HPSE2: variants seen among roughly 807,000 people sequenced by gnomAD.
HPSE2 encodes the protein heparanase 2 (inactive).
HPSE2 carries 38 observed loss-of-function variants against 60.5 expected under a neutral mutation model. The observed-to-expected ratio is 0.63, with a 90% confidence interval of 0.48 to 0.82. The LOEUF (loss-of-function observed/expected upper bound fraction) is 0.82, where lower values mean the gene tolerates loss of function less well. HPSE2 is among the 40% of genes least tolerant of loss of function. HPSE2 has a pLI of 0.00. For synonymous variants in HPSE2, 295 were observed against 293.2 expected, an observed-to-expected ratio of 1.01 and a Z score of -0.06; for missense variants, 713 against 740.4, an observed-to-expected ratio of 0.96 and a Z score of 0.43.
At chr10:98,623,624 T>C (rs957067733) in intron 7 of HPSE2, among the ~76,000 whole-genome samples, 1 of 152,208 alleles carries the variant, frequency 6.6e-6, no homozygotes, top group Non-Finnish European at 1.5e-5. Flanking sequence ...TTATGCTACA[T>C]GCTAGTTGTG....
intron 3 of HPSE2, among the ~76,000 whole-genome samples, chr10:99,110,228 G>A (rs1393731515): frequency 6.6e-6 from 1 of 152,122 alleles, no homozygotes; most frequent in Non-Finnish European, 1.5e-5. Context: ...AGGCTAGGTA[G>A]GCCCACTTGA....
intron 3 of HPSE2, among the ~76,000 whole-genome samples, chr10:99,075,537 G>A (rs188548261): frequency 1.3e-5 from 2 of 152,072 alleles, no homozygotes; most frequent in East Asian, 1.9e-4. Flanking sequence ...TGTGTGTTAC[G>A]TCCATTTGGT....
At position 98,612,128 on chromosome 10, in the gene HPSE2, G is replaced by T. The variant is rs72831942; in HGVS notation, c.1320+2776C>A. On this transcript the variant is annotated intron_variant, in intron 9 of 11. Coordinates refer to ENST00000370552, the MANE Select transcript of HPSE2 (RefSeq NM_021828.5). ...AATGAAGCCTGTCTAGTCACCCAAA[G>T]ACCATCTTTTTCCAGCCTGTTTTCT... Among the ~76,000 whole-genome samples the T allele has an allele frequency of 7.2e-3, 1,089 of 152,278 alleles. 8 individuals carry two copies. Among genetic ancestry groups the T allele is most frequent in the South Asian group, 0.027 (129 of 4,822 alleles).
At chr10:98,755,816 T>C (rs1356177439) in intron 3 of HPSE2, among the ~76,000 whole-genome samples, 5 of 151,904 alleles carry the variant, frequency 3.3e-5, no homozygotes. Context: ...GCCAACATGG[T>C]GAAACCCCAT....
chr10:98,687,922 T>C (rs961600692), intron 6 of HPSE2, among the ~76,000 whole-genome samples: 1 of 152,224 alleles, frequency 6.6e-6, no homozygotes, highest in South Asian at 2.1e-4. Flanking sequence ...TTAATTACAC[T>C]GTTTAGGACA....
At chr10:99,243,475 A>C in the HPSE2 span, among the ~76,000 whole-genome samples, 3 of 152,166 alleles carry the variant, frequency 2.0e-5, no homozygotes, top group Non-Finnish European at 4.4e-5. Flanking sequence ...AGAACTTTTA[A>C]TATCCTAGGG....
intron 6 of HPSE2, among the ~76,000 whole-genome samples, chr10:98,679,285 C>T (rs1213102238): frequency 3.3e-5 from 5 of 152,198 alleles, no homozygotes; most frequent in Non-Finnish European, 7.3e-5. Context: ...TTTTGGAGGT[C>T]TCTAAGACCC....
intron 3 of HPSE2, among the ~76,000 whole-genome samples, chr10:98,943,321 T>C (rs1955077186): frequency 6.6e-6 from 1 of 151,794 alleles, no homozygotes. Flanking sequence ...AGGGTAAAAA[T>C]GGGAGACTTG....
intron 6 of HPSE2, among the ~76,000 whole-genome samples, chr10:98,652,376 A>G (rs889299168): frequency 1.3e-5 from 2 of 152,124 alleles, no homozygotes; most frequent in African/African-American, 4.8e-5. Flanking sequence ...TGTGTATCCT[A>G]CTAAGCCTCA....
intron 2 of HPSE2, among the ~76,000 whole-genome samples, chr10:99,218,703 G>GCCA (rs2133924936): frequency 6.6e-6 from 1 of 152,294 alleles, no homozygotes; most frequent in South Asian, 2.1e-4. Flanking sequence ...GGACAGGGGT[G>GCCA]CCATTCATTT....
chr10:98,869,776 G>A (rs1254233351), intron 3 of HPSE2, among the ~76,000 whole-genome samples: 4 of 152,102 alleles, frequency 2.6e-5, no homozygotes, highest in Admixed American at 2.6e-4. Context: ...TAAATTGTGT[G>A]ATCATGGGCA....
chr10:98,971,766 C>T (rs2135269134), intron 3 of HPSE2, among the ~76,000 whole-genome samples: 1 of 152,160 alleles, frequency 6.6e-6, no homozygotes, highest in Non-Finnish European at 1.5e-5. Context: ...TCATATCTGG[C>T]CCTTTATAGA....
chr10:98,978,644 G>T, intron 3 of HPSE2, among the ~76,000 whole-genome samples: 1 of 152,102 alleles, frequency 6.6e-6, no homozygotes, highest in East Asian at 1.9e-4. Flanking sequence ...GGTATTCTGA[G>T]AAATATACAG....
intron 3 of HPSE2, among the ~76,000 whole-genome samples, chr10:98,886,135 A>G (rs1387079690): frequency 6.6e-6 from 1 of 152,138 alleles, no homozygotes; most frequent in Middle Eastern, 3.2e-3. Context: ...ATGTTTATAT[A>G]TGAGGTCTTA....
chr10:98,892,516 T>C (rs1328981994), intron 3 of HPSE2, among the ~76,000 whole-genome samples: 1 of 152,180 alleles, frequency 6.6e-6, no homozygotes, highest in Non-Finnish European at 1.5e-5. Flanking sequence ...AATGAACAAA[T>C]GTAAACCTTT....
the HPSE2 span, among the ~76,000 whole-genome samples, chr10:99,272,319 T>C: frequency 1.3e-5 from 2 of 148,386 alleles, no homozygotes; most frequent in Non-Finnish European, 3.0e-5. Context: ...CCTGAATCCA[T>C]AAAAATTCTA....
At chr10:98,522,265 A>AC (rs1564937479) in intron 9 of HPSE2, among the ~76,000 whole-genome samples, 1 of 151,926 alleles carries the variant, frequency 6.6e-6, no homozygotes, top group African/African-American at 2.4e-5. Flanking sequence ...CAAAAAAAAA[A>AC]CAATAAAACA....
At chr10:98,816,485 A>T (rs906247319) in intron 3 of HPSE2, among the ~76,000 whole-genome samples, 1 of 152,156 alleles carries the variant, frequency 6.6e-6, no homozygotes, top group Non-Finnish European at 1.5e-5. Flanking sequence ...TACATTGTGA[A>T]AGAAAATGAG....
At chr10:98,600,913 A>ATATATGTGTGTGTGTGTGTG (rs1381527658) in intron 9 of HPSE2, among the ~76,000 whole-genome samples, 2 of 29,594 alleles carry the variant, frequency 6.8e-5, no homozygotes, top group African/African-American at 1.6e-4. Context: ...GTGTGTGTGT[A>ATATATGTGTGTGTGTGTGTG]TATATATATA....
Sources: gnomAD v4.1 joint callset for allele counts (sites outside exome capture counted in the v4.1 genomes callset) on GRCh38, gnomAD v4.1.1 for gene constraint, MANE v1.5 for transcripts, NCBI Gene and HGNC (gene_info 2026-07-23, HGNC 2026-07-21) for gene names.